The following GRID1 variants were observed in gnomAD, a reference collection of about 807,000 sequenced individuals.
GRID1 encodes glutamate receptor ionotropic, delta-1.
In GRID1, 28 loss-of-function variants were observed where a neutral mutation model predicts 98.0. That is an observed-to-expected ratio of 0.29 (90% CI 0.21 to 0.39). The LOEUF (loss-of-function observed/expected upper bound fraction) is 0.39. GRID1 is among the 10% of genes least tolerant of loss of function. The pLI is 1.00. For missense variants in GRID1, 1,111 were observed against 1,340.5 expected (o/e 0.83, Z 2.67); for synonymous variants, 553 against 538.5 (o/e 1.03, Z -0.37).
intron 12 of GRID1, among the ~76,000 whole-genome samples, chr10:85,709,410 T>C (rs1327252566): frequency 6.6e-6 from 1 of 152,248 alleles, no homozygotes; most frequent in Non-Finnish European, 1.5e-5. Context: ...TAAGCATTCT[T>C]GGACTAGTTG....
intron 2 of GRID1, among the ~76,000 whole-genome samples, chr10:86,342,070 T>G (rs372905826): frequency 3.9e-5 from 6 of 152,178 alleles, no homozygotes; most frequent in African/African-American, 1.4e-4. Context: ...GGGGCTGGTG[T>G]GACCTTCCGG....
chr10:86,239,815 C>T (rs1238174383), intron 2 of GRID1, among the ~76,000 whole-genome samples: 1 of 152,170 alleles, frequency 6.6e-6, no homozygotes. Flanking sequence ...AACAATTAAA[C>T]CTCTTTTCTT....
chr10:86,007,419 T>C (rs1173906470), intron 4 of GRID1, among the ~76,000 whole-genome samples: 1 of 152,154 alleles, frequency 6.6e-6, no homozygotes, highest in Non-Finnish European at 1.5e-5. Flanking sequence ...CCTCCAATAT[T>C]GCTGCTTGCC....
intron 2 of GRID1, among the ~76,000 whole-genome samples, chr10:86,321,083 G>A (rs188765323): frequency 0.019 from 2,745 of 141,802 alleles, 55 homozygotes; most frequent in African/African-American, 0.039. Flanking sequence ...CTGGGCGACA[G>A]AGTGAGACTC....
chr10:85,720,723 A>G lies in GRID1; in HGVS notation c.1997+2280T>C, dbSNP rs185154599. 1.4e-4 allele frequency among the ~76,000 whole-genome samples: 21 copies of G among 152,204 alleles called. No individual in the cohort carries two copies. The East Asian group carries it at 3.7e-3, about 27-fold the overall frequency. On this transcript the variant is annotated intron_variant, in intron 12 of 15. Transcript: ENST00000327946. ...CCTAAACCTCAAACTTTATAAAATT[A>G]TCTCAAAATTGATTGTGGACTGAAT...
intron 4 of GRID1, among the ~76,000 whole-genome samples, chr10:85,974,630 A>C (rs12257021): frequency 0.069 from 10,456 of 152,210 alleles, 1,172 homozygotes; most frequent in African/African-American, 0.24. Context: ...ATGCTCCCCT[A>C]TATTACCTGG....
intron 8 of GRID1, among the ~76,000 whole-genome samples, chr10:85,852,817 A>G (rs961967201): frequency 7.2e-5 from 11 of 152,020 alleles, no homozygotes; most frequent in African/African-American, 2.7e-4. Context: ...AACAGACATC[A>G]TAGGCCAGCC....
chr10:86,139,062 C>A, intron 3 of GRID1, 38 bp from the exon 4 acceptor site: 1 of 1,470,982 alleles, frequency 6.8e-7, no homozygotes, highest in South Asian at 1.1e-5. Flanking sequence ...GAAAAATCAT[C>A]TTTAAGTGGG....
At chr10:85,855,101 C>G (rs1843097034) in intron 7 of GRID1, among the ~76,000 whole-genome samples, 1 of 152,362 alleles carries the variant, frequency 6.6e-6, no homozygotes, top group Non-Finnish European at 1.5e-5. Flanking sequence ...TAGCTTGGAT[C>G]CTGGCTTTGC....
chr10:86,101,806 C>T (rs1176602243), intron 4 of GRID1, among the ~76,000 whole-genome samples: 1 of 151,868 alleles, frequency 6.6e-6, no homozygotes. Flanking sequence ...CCTGGCTTGG[C>T]TAATTTTATT....
At chr10:86,350,788 G>A (rs922306208) in intron 2 of GRID1, among the ~76,000 whole-genome samples, 2 of 152,100 alleles carry the variant, frequency 1.3e-5, no homozygotes, top group Non-Finnish European at 2.9e-5. Flanking sequence ...ATTTCTTTGT[G>A]TTGAGAACAT....
chr10:85,973,982 G>A (rs540253029), intron 4 of GRID1, among the ~76,000 whole-genome samples: 2 of 152,076 alleles, frequency 1.3e-5, no homozygotes, highest in Admixed American at 6.5e-5. Context: ...TCTCATATTC[G>A]CAGACTGGGG....
At chr10:85,813,256 A>C (rs1024714601) in intron 8 of GRID1, among the ~76,000 whole-genome samples, 8 of 151,764 alleles carry the variant, frequency 5.3e-5, no homozygotes, top group Non-Finnish European at 7.4e-5. Flanking sequence ...GTGAACTCCA[A>C]AAAGTATAAG....
chr10:86,264,015 G>A (rs929642401), intron 2 of GRID1, among the ~76,000 whole-genome samples: 4 of 152,210 alleles, frequency 2.6e-5, no homozygotes, highest in African/African-American at 9.6e-5. Flanking sequence ...GCTGGGAGCC[G>A]AATCCAGGCT....
intron 4 of GRID1, among the ~76,000 whole-genome samples, chr10:86,117,202 CCAT>C (rs1347458405): frequency 6.6e-6 from 1 of 151,548 alleles, no homozygotes. Flanking sequence ...ACCATCACTA[CCAT>C]CATCATCACC....
intron 4 of GRID1, among the ~76,000 whole-genome samples, chr10:86,024,115 G>C (rs537290783): frequency 4.6e-5 from 7 of 152,094 alleles, no homozygotes; most frequent in Admixed American, 1.3e-4. Flanking sequence ...CCTAGTCAAG[G>C]GCCCCATGAG....
At chr10:86,156,973 G>A (rs1845254406) in intron 3 of GRID1, among the ~76,000 whole-genome samples, 1 of 152,194 alleles carries the variant, frequency 6.6e-6, no homozygotes, top group African/African-American at 2.4e-5. Context: ...GAGTGAATGA[G>A]GATGAAGGAG....
intron 4 of GRID1, among the ~76,000 whole-genome samples, chr10:85,997,421 T>C (rs1449275396): frequency 6.6e-6 from 1 of 151,372 alleles, no homozygotes; most frequent in African/African-American, 2.4e-5. Flanking sequence ...AATTATAACA[T>C]AGTTGGATAA....
chr10:85,653,139 G>A (rs565819800), intron 12 of GRID1, among the ~76,000 whole-genome samples: 2 of 152,298 alleles, frequency 1.3e-5, no homozygotes, highest in African/African-American at 4.8e-5. Context: ...TTTTAAAAAG[G>A]AAAAGCAGTC....
Sources: gnomAD v4.1 joint callset for allele counts (sites outside exome capture counted in the v4.1 genomes callset) on GRCh38, gnomAD v4.1.1 for gene constraint, MANE v1.5 for transcripts, NCBI Gene and HGNC (gene_info 2026-07-23, HGNC 2026-07-21) for gene names.